Variants in PRELID2 observed in about 807,000 individuals in gnomAD.
The protein encoded by PRELID2 is PRELI domain containing 2.
Under a neutral mutation model 28.4 loss-of-function variants are expected in PRELID2, and 25 were observed. The observed-to-expected ratio is 0.88, with a 90% CI of 0.64 to 1.23. The LOEUF (loss-of-function observed/expected upper bound fraction) is 1.23. Among genes scored for constraint, PRELID2 ranks in the 50% most tolerant of loss-of-function variants. The pLI is 0.00. For synonymous variants in PRELID2, 76 were observed against 71.6 expected (o/e 1.06, Z -0.31); for missense variants, 201 against 214.4 (o/e 0.94, Z 0.39).
the PRELID2 span, among the ~76,000 whole-genome samples, chr5:145,414,372 C>A: frequency 2.6e-5 from 4 of 152,162 alleles, no homozygotes; most frequent in African/African-American, 4.8e-5. Context: ...ACCACCACAA[C>A]GAAAGTAACC....
the PRELID2 span, among the ~76,000 whole-genome samples, chr5:145,363,234 C>T: frequency 6.6e-6 from 1 of 151,806 alleles, no homozygotes; most frequent in African/African-American, 2.4e-5. Context: ...TTATCATTGT[C>T]GATATCCATA....
At chr5:145,569,151 A>G (rs1405159531) in intron 1 of PRELID2, among the ~76,000 whole-genome samples, 1 of 152,236 alleles carries the variant, frequency 6.6e-6, no homozygotes, top group Non-Finnish European at 1.5e-5. Context: ...TGTCAGGAAT[A>G]GTTTGTGTCT....
At chr5:145,349,562 C>A in the PRELID2 span, among the ~76,000 whole-genome samples, 1 of 152,040 alleles carries the variant, frequency 6.6e-6, no homozygotes, top group African/African-American at 2.4e-5. Context: ...GACACTCATA[C>A]AGCAAATCTC....
At chr5:145,419,863 G>A in the PRELID2 span, among the ~76,000 whole-genome samples, 2 of 151,822 alleles carry the variant, frequency 1.3e-5, no homozygotes, top group South Asian at 4.2e-4. Context: ...TATGGTTTTA[G>A]GTCTAACATT....
chr5:145,779,930 A>G (rs937154115), intron 5 of PRELID2, among the ~76,000 whole-genome samples: 2 of 152,200 alleles, frequency 1.3e-5, no homozygotes. Flanking sequence ...CTTGCATTTT[A>G]CTTTTTAAGT....
rs374701720 is a variant in PRELID2, at chr5:145,773,231, G to T, written c.475-8231C>A. On this transcript the variant is annotated intron_variant, in intron 5 of 6. Transcript: ENST00000683046. Reference sequence around the variant, plus strand: ...AACTCTAAGCAAAGAATCAAAAATGGTCCATCTGATTTAAAGAGATTTCCT... The same window carrying T: ...AACTCTAAGCAAAGAATCAAAAATGTTCCATCTGATTTAAAGAGATTTCCT... Among the ~76,000 whole-genome samples, 12 of 152,220 alleles carry T rather than the reference G, an allele frequency of 7.9e-5. No individual in the cohort carries two copies. The East Asian group carries it at 1.5e-3, about 20-fold the overall frequency.
chr5:145,785,463 T>A (rs1320899247), intron 5 of PRELID2, among the ~76,000 whole-genome samples: 1 of 152,234 alleles, frequency 6.6e-6, no homozygotes, highest in Non-Finnish European at 1.5e-5. Flanking sequence ...CAGCACATGA[T>A]GTATACTACG....
At chr5:145,466,098 A>G in the PRELID2 span, among the ~76,000 whole-genome samples, 1 of 152,056 alleles carries the variant, frequency 6.6e-6, no homozygotes, top group African/African-American at 2.4e-5. Flanking sequence ...TAAGTTAGTC[A>G]TTAAAGACAT....
chr5:145,254,955 A>G, the PRELID2 span, among the ~76,000 whole-genome samples: 11 of 151,992 alleles, frequency 7.2e-5, no homozygotes, highest in East Asian at 2.1e-3. Context: ...AATTAATTTG[A>G]TGCTTCTAAA....
chr5:145,382,016 G>A, the PRELID2 span, among the ~76,000 whole-genome samples: 2 of 151,510 alleles, frequency 1.3e-5, no homozygotes, highest in Non-Finnish European at 2.9e-5. Flanking sequence ...CTTTAAAGTG[G>A]GGGGTAGTCA....
chr5:145,506,181 C>T lies in PRELID2; in HGVS notation n.71-32866G>A, dbSNP rs1752410076. On this transcript the variant is annotated intron_variant and non_coding_transcript_variant, in intron 1 of 2. Transcript: ENST00000510259. ...ACCCACAAGAGCCTGTATGATTTGG[C>T]CCCTCTCTTCATTGCTTCAAATCCT... Among the ~76,000 whole-genome samples, 4 of 152,082 alleles carry T rather than the reference C, an allele frequency of 2.6e-5. No homozygotes were observed. In the South Asian group the frequency reaches 8.3e-4, roughly 31 times the overall value.
At chr5:145,741,162 A>G (rs1235614032) in intron 1 of PRELID2, among the ~76,000 whole-genome samples, 2 of 115,354 alleles carry the variant, frequency 1.7e-5, no homozygotes, top group African/African-American at 3.5e-5. Context: ...TAAAATATAT[A>G]AATATATATT....
At chr5:145,438,228 T>C in the PRELID2 span, among the ~76,000 whole-genome samples, 621 of 151,424 alleles carry the variant, frequency 4.1e-3, 5 homozygotes, top group African/African-American at 0.015. Flanking sequence ...AACAAATAAA[T>C]CACTCCTCAC....
intron 5 of PRELID2, among the ~76,000 whole-genome samples, chr5:145,779,628 C>T (rs560720660): frequency 2.0e-4 from 31 of 152,094 alleles, no homozygotes; most frequent in South Asian, 1.2e-3. Context: ...GAAGGAAATA[C>T]GCCAATTTGG....
At chr5:145,539,844 A>G (rs905080498) in intron 1 of PRELID2, among the ~76,000 whole-genome samples, 1 of 151,858 alleles carries the variant, frequency 6.6e-6, no homozygotes, top group Admixed American at 6.6e-5. Flanking sequence ...AAGTGAAAAG[A>G]ACATTTTATA....
chr5:145,300,994 A>T, the PRELID2 span, among the ~76,000 whole-genome samples: 1 of 151,940 alleles, frequency 6.6e-6, no homozygotes, highest in Non-Finnish European at 1.5e-5. Context: ...TTATTCTATC[A>T]CCTTTTGAAC....
intron 1 of PRELID2, among the ~76,000 whole-genome samples, chr5:145,723,437 G>A (rs1756046690): frequency 6.6e-6 from 1 of 151,232 alleles, no homozygotes; most frequent in South Asian, 2.1e-4. Flanking sequence ...GACCATTTTG[G>A]AACGTTTGCA....
At chr5:145,674,500 A>G (rs1263032688) in intron 1 of PRELID2, among the ~76,000 whole-genome samples, 1 of 152,228 alleles carries the variant, frequency 6.6e-6, no homozygotes, top group Non-Finnish European at 1.5e-5. Flanking sequence ...TTTTTTATTA[A>G]TTCAGATTCA....
At chr5:145,644,003 G>A (rs1387135969) in intron 1 of PRELID2, among the ~76,000 whole-genome samples, 1 of 152,124 alleles carries the variant, frequency 6.6e-6, no homozygotes, top group Admixed American at 6.5e-5. Flanking sequence ...GCCAGGTTTT[G>A]GTATCAGGAT....
Sources: gnomAD v4.1 joint callset for allele counts (sites outside exome capture counted in the v4.1 genomes callset) on GRCh38, gnomAD v4.1.1 for gene constraint, MANE v1.5 for transcripts, NCBI Gene and HGNC (gene_info 2026-07-23, HGNC 2026-07-21) for gene names.